OTOF: variants seen among roughly 807,000 people sequenced by gnomAD.
OTOF encodes the protein otoferlin.
In OTOF, 218 loss-of-function variants were observed where a neutral mutation model predicts 236.8. The ratio of observed to expected loss-of-function variants is 0.92; its 90% CI spans 0.82 to 1.03. The LOEUF (loss-of-function observed/expected upper bound fraction) is 1.03, where lower values mean the gene tolerates loss of function less well. Ranked by LOEUF, OTOF falls within the 50% of genes least tolerant of loss-of-function variation. The pLI is 0.00. For missense variants in OTOF, 2,590 were observed against 2,694.4 expected (o/e 0.96, Z 0.86); for synonymous variants, 1,041 against 1,072.5 (o/e 0.97, Z 0.57).
Position 26,458,155 on chromosome 2 carries a change from G to A in OTOF, c.*83C>T, listed in dbSNP as rs1664276298. 6.2e-7 allele frequency: 1 copy of A among 1,613,880 alleles called. No homozygotes were observed. The highest frequency in any genetic ancestry group is 1.1e-5 in the South Asian group (1 of 91,072). On this transcript the variant is annotated 3_prime_UTR_variant, in exon 47 of 47. Transcript: ENST00000272371. ...CTTGATGATGAGCCACTTGTACCGG[G>A]TGCAGATGAGGTACTTGATGGACTT...
chr2:26,477,159 C>T lies in OTOF; in HGVS notation c.2523+13G>A. On this transcript the variant is annotated intron_variant, in intron 21 of 46. Transcript: ENST00000272371. The surrounding 1 kb of genome is among the most constrained non-coding windows in gnomAD (Gnocchi z 4.7). Reference sequence around the variant, plus strand: ...CCCTGGATGAGGCAAAGCCCCGACCCCTTGGGCCGCACCTCGTCCGCCAGG... The same window carrying T: ...CCCTGGATGAGGCAAAGCCCCGACCTCTTGGGCCGCACCTCGTCCGCCAGG... 1 of 1,606,956 alleles carries T rather than the reference C, an allele frequency of 6.2e-7. No individual in the cohort carries two copies. Among genetic ancestry groups the T allele is most frequent in the Non-Finnish European group, 8.5e-7 (1 of 1,177,524 alleles).
At chr2:26,533,974 C>T (rs1297039324) in intron 2 of OTOF, among the ~76,000 whole-genome samples, 1 of 152,122 alleles carries the variant, frequency 6.6e-6, no homozygotes, top group African/African-American at 2.4e-5. Context: ...TTCCTCTTGG[C>T]TCAGAAGGCC....
chr2:26,526,470 G>A (rs1231824127), intron 3 of OTOF, among the ~76,000 whole-genome samples: 1 of 152,100 alleles, frequency 6.6e-6, no homozygotes, highest in Non-Finnish European at 1.5e-5. Context: ...TAGGCAGATG[G>A]ATGAATAACA....
At chr2:26,459,366 C>T (rs1295276702) in intron 46 of OTOF, among the ~76,000 whole-genome samples, 1 of 152,084 alleles carries the variant, frequency 6.6e-6, no homozygotes, top group Admixed American at 6.5e-5. Context: ...TCCTGGCTAA[C>T]ACAGTGAAAC....
chr2:26,554,340 G>T (rs1458285111), intron 1 of OTOF, among the ~76,000 whole-genome samples: 1 of 152,116 alleles, frequency 6.6e-6, no homozygotes, highest in Non-Finnish European at 1.5e-5. Context: ...AGAGCTCACA[G>T]TTGGGGAAAT....
chr2:26,466,751 T>A lies in OTOF; in HGVS notation c.4463A>T (p.Asp1488Val), dbSNP rs142284613. 1,665 of 1,614,056 alleles carry A rather than the reference T, an allele frequency of 1.0e-3. No homozygotes were observed. The highest frequency in any genetic ancestry group is 1.3e-3 in the Non-Finnish European group (1,528 of 1,180,010). The change falls in exon 36 of 47, where the codon GAC (aspartate) becomes GTC (valine). Residue 1488 changes from aspartate to valine, a missense_variant. Coordinates refer to ENST00000272371, the MANE Select transcript of OTOF (RefSeq NM_194248.3). Reference sequence around the variant, plus strand: ...GACTCGGACCAGCACATTGATGGGGTCATTGCTCGGGATGCCCTGGAACAT... The same window carrying A: ...GACTCGGACCAGCACATTGATGGGGACATTGCTCGGGATGCCCTGGAACAT... ...YGMFQGIPSNDPINVLVRVYV... is the reference protein window; with the variant it reads ...YGMFQGIPSNVPINVLVRVYV...
At chr2:26,471,273 G>T in intron 30 of OTOF, 123 bp from the exon 31 acceptor site, 1 of 1,133,836 alleles carries the variant, frequency 8.8e-7, no homozygotes, top group Non-Finnish European at 1.3e-6. Flanking sequence ...GGCAGCCCCT[G>T]TGCCCGCAAG....
intron 1 of OTOF, among the ~76,000 whole-genome samples, chr2:26,552,260 C>T (rs893187170): frequency 3.3e-5 from 5 of 152,108 alleles, no homozygotes; most frequent in African/African-American, 4.8e-5. Context: ...CATGGTGGTG[C>T]GTGCCTGTAG....
intron 15 of OTOF, among the ~76,000 whole-genome samples, chr2:26,480,528 G>T (rs1444861750): frequency 2.0e-5 from 3 of 152,260 alleles, no homozygotes; most frequent in Non-Finnish European, 1.5e-5. Context: ...CCGTGGCTGG[G>T]AAGAGGGGCA....
At chr2:26,481,127 T>C (rs1293595370) in intron 14 of OTOF, 118 bp from the exon 15 acceptor site, 18 of 719,490 alleles carry the variant, frequency 2.5e-5, no homozygotes, top group Non-Finnish European at 4.4e-5. Context: ...GAGAACTTCA[T>C]GTGTGCCATT....
intron 1 of OTOF, among the ~76,000 whole-genome samples, chr2:26,548,358 T>C (rs1667382854): frequency 6.6e-6 from 1 of 152,204 alleles, no homozygotes; most frequent in Non-Finnish European, 1.5e-5. Flanking sequence ...CATTCATCCT[T>C]CTAAAGTGCA....
rs1367806402 is a variant in OTOF, at chr2:26,516,409, G to A, written c.509+9C>T. 1.2e-6 allele frequency: 2 copies of A among 1,612,800 alleles called. No homozygotes were observed. Among genetic ancestry groups the A allele is most frequent in the African/African-American group, 1.3e-5 (1 of 74,994 alleles). ...AGCAGTGGGCAGCCAGAGGGGTCCT[G>A]CCTGTTACCTCCGGAAGCTCTTCTC... On this transcript the variant is annotated intron_variant, in intron 5 of 46. Transcript: ENST00000272371.
intron 32 of OTOF, among the ~76,000 whole-genome samples, chr2:26,468,792 T>C (rs571697596): frequency 7.2e-5 from 11 of 152,268 alleles, no homozygotes; most frequent in Non-Finnish European, 1.0e-4. Context: ...CTGAAGAAAC[T>C]GTCACAAGGA....
At chr2:26,531,612 C>T (rs1666950374) in intron 2 of OTOF, among the ~76,000 whole-genome samples, 3 of 152,178 alleles carry the variant, frequency 2.0e-5, no homozygotes, top group South Asian at 4.1e-4. Flanking sequence ...GTGGATTTCA[C>T]GTGTCTCTTT....
chr2:26,472,435 C>T lies in OTOF; in HGVS notation c.3864+84G>A, dbSNP rs369924039. On this transcript the variant is annotated intron_variant, in intron 30 of 46. Coordinates refer to ENST00000272371, the MANE Select transcript of OTOF (RefSeq NM_194248.3). ...GGAGGCTCTTAGTGTCCTTTTCTCT[C>T]GGGGCAGATAGTCTGGTTCACAGGA... The T allele has an allele frequency of 1.4e-4, 216 of 1,559,488 alleles. 1 individual carries two copies. Among genetic ancestry groups the T allele is most frequent in the African/African-American group, 1.1e-3 (82 of 73,870 alleles).
chr2:26,495,071 G>A lies in OTOF; in HGVS notation c.768C>T (p.Val256=). ...GCCGGGCCTCGATCACCGTGATGCT[G>A]ACCTGCAGGCAGGAGAAGGGGGAGC... ...PSAGRPMDYQ[V]SITVIEARQL... The change falls in exon 9 of 47, where the codon GTC becomes GTT. Residue 256 remains valine (V), a splice_region_variant and synonymous_variant. Transcript: ENST00000272371. 6.2e-7 allele frequency: 1 copy of A among 1,614,164 alleles called. No homozygotes were observed. Among genetic ancestry groups the A allele is most frequent in the Non-Finnish European group, 8.5e-7 (1 of 1,180,032 alleles).
intron 12 of OTOF, among the ~76,000 whole-genome samples, chr2:26,483,966 T>C: frequency 6.6e-6 from 1 of 152,256 alleles, no homozygotes; most frequent in East Asian, 1.9e-4. Context: ...TTAGTATTAT[T>C]GTCAGTGTTT....
intron 2 of OTOF, among the ~76,000 whole-genome samples, chr2:26,536,208 A>G (rs912861706): frequency 2.0e-5 from 3 of 152,186 alleles, no homozygotes; most frequent in African/African-American, 2.4e-5. Context: ...GTGGGCAGCC[A>G]TGATTCCACT....
intron 2 of OTOF, among the ~76,000 whole-genome samples, chr2:26,533,745 G>T (rs186506426): frequency 2.6e-5 from 4 of 152,208 alleles, no homozygotes. Flanking sequence ...ACAGGCCTGC[G>T]GTGACAGGTG....
Sources: gnomAD v4.1 joint callset for allele counts (sites outside exome capture counted in the v4.1 genomes callset) on GRCh38, gnomAD v4.1.1 for gene constraint, Gnocchi (gnomAD v3.1) non-coding constraint, MANE v1.5 for transcripts, NCBI Gene and HGNC (gene_info 2026-07-23, HGNC 2026-07-21) for gene names.